RASSF3: variants seen among roughly 807,000 people sequenced by gnomAD.
RASSF3 encodes the protein ras association domain-containing protein 3.
RASSF3 carries 19 observed loss-of-function variants against 19.9 expected under a neutral mutation model. The ratio of observed to expected loss-of-function variants is 0.96; its 90% CI spans 0.67 to 1.40. The LOEUF is 1.40. Among genes scored for constraint, RASSF3 ranks in the 40% most tolerant of loss-of-function variants. The pLI, the probability that RASSF3 is intolerant of heterozygous loss-of-function variation, is 0.00. For synonymous variants in RASSF3, 110 were observed against 104.2 expected (o/e 1.06, Z -0.34); for missense variants, 306 against 289.8 (o/e 1.06, Z -0.41).
chr12:64,564,165 T>A (rs1194767703), intron 2 of RASSF3, among the ~76,000 whole-genome samples: 1 of 152,240 alleles, frequency 6.6e-6, no homozygotes, highest in Non-Finnish European at 1.5e-5. Context: ...TTCTATACAC[T>A]GTCAGTTGTA....
At chr12:64,575,875 T>C (rs2136132327) in intron 2 of RASSF3, 1 of 151,690 alleles carries the variant, frequency 6.6e-6, no homozygotes, top group Admixed American at 6.6e-5. Context: ...CTGAAAATTC[T>C]CGACAGATTT....
chr12:64,602,715 A>T (rs189642153), intron 2 of RASSF3, among the ~76,000 whole-genome samples: 2 of 152,228 alleles, frequency 1.3e-5, no homozygotes, highest in South Asian at 2.1e-4. Context: ...GTGAGATCCA[A>T]TCTCTAAAAA....
rs138219693 is a variant in RASSF3, at chr12:64,535,083, GA to G, written c.67+1759del. ...ATGTTCATTTCAGAGACGTTTATAT[GA>G]AAAAAAAAAGGAAAGTACCTTTTAA... is the stretch of plus-strand genomic sequence containing the variant. On this transcript the variant is annotated intron_variant, in intron 1 of 1. Coordinates refer to the RASSF3 transcript ENST00000636333. Among the ~76,000 whole-genome samples, 489 of 148,768 alleles carry G rather than the reference GA, an allele frequency of 3.3e-3. 5 individuals are homozygous for G. The highest frequency in any genetic ancestry group is 0.011 in the African/African-American group (448 of 40,584).
At chr12:64,639,147 T>G (rs1871424633) in intron 1 of RASSF3, among the ~76,000 whole-genome samples, 1 of 152,170 alleles carries the variant, frequency 6.6e-6, no homozygotes, top group Admixed American at 6.5e-5. Flanking sequence ...ACCTGTATGC[T>G]GATTTTTTTT....
chr12:64,655,059 G>GGAGT (rs1872107885), intron 1 of RASSF3: 1 of 152,170 alleles, frequency 6.6e-6, no homozygotes, highest in Non-Finnish European at 1.5e-5. Flanking sequence ...GCTCCAAAGT[G>GGAGT]GAGTGAGTGC....
chr12:64,516,138 A>C (rs1487082108), intron 1 of RASSF3, among the ~76,000 whole-genome samples: 1 of 152,222 alleles, frequency 6.6e-6, no homozygotes, highest in African/African-American at 2.4e-5. Context: ...GAATGGAAAT[A>C]GATTTTCTTG....
chr12:64,544,683 G>A (rs548585375), downstream of RASSF3, among the ~76,000 whole-genome samples: 1 of 152,090 alleles, frequency 6.6e-6, no homozygotes, highest in Non-Finnish European at 1.5e-5. Flanking sequence ...TGAGTGTCTT[G>A]TCAGTTTCTG....
chr12:64,587,627 C>T (rs560880287), intron 2 of RASSF3, among the ~76,000 whole-genome samples: 1 of 152,256 alleles, frequency 6.6e-6, no homozygotes, highest in African/African-American at 2.4e-5. Context: ...GTCTTCCTCT[C>T]TTTTTCACTT....
downstream of RASSF3, among the ~76,000 whole-genome samples, chr12:64,543,722 C>G (rs1243421903): frequency 6.6e-6 from 1 of 151,354 alleles, no homozygotes; most frequent in African/African-American, 2.4e-5. Context: ...GCTCCTGAGT[C>G]TAGTGAGGAC....
intron 2 of RASSF3, among the ~76,000 whole-genome samples, chr12:64,552,489 A>G (rs750482553): frequency 6.6e-6 from 1 of 152,158 alleles, no homozygotes; most frequent in South Asian, 2.1e-4. Flanking sequence ...ATTAAGCCCA[A>G]CATCCACTAA....
chr12:64,595,064 CT>C (rs1171762487), intron 2 of RASSF3, among the ~76,000 whole-genome samples: 2,193 of 90,888 alleles, frequency 0.024, 8 homozygotes, highest in African/African-American at 0.061. Context: ...CATATGAAAT[CT>C]TTTTTTTTTT....
At chr12:64,584,649 C>A (rs983868580) in intron 2 of RASSF3, among the ~76,000 whole-genome samples, 13 of 151,736 alleles carry the variant, frequency 8.6e-5, no homozygotes, top group East Asian at 3.9e-4. Flanking sequence ...TGCACGCAAA[C>A]AAATACATTC....
intron 1 of RASSF3, among the ~76,000 whole-genome samples, chr12:64,537,149 T>C (rs1868845358): frequency 6.6e-6 from 1 of 152,204 alleles, no homozygotes; most frequent in Non-Finnish European, 1.5e-5. Context: ...TGACTTTTCC[T>C]TCTCAGTCTC....
chr12:64,550,091 C>T (rs578004322), intron 2 of RASSF3, among the ~76,000 whole-genome samples: 13 of 152,178 alleles, frequency 8.5e-5, no homozygotes, highest in East Asian at 1.9e-4. Context: ...ATAGTCTCAG[C>T]GCCCCCCACC....
At position 64,572,227 on chromosome 12, in the gene RASSF3, G is replaced by A. The variant is rs187173638; in HGVS notation, c.294+30522G>A. Among the ~76,000 whole-genome samples, 8 of 152,218 alleles carry A rather than the reference G, an allele frequency of 5.3e-5. No homozygotes were observed. The East Asian group carries it at 1.5e-3, about 29-fold the overall frequency. The stretch of plus-strand genomic sequence containing the variant: ...CCCTAACACCTAATGTAGATAATTC[G>A]GGAGAGAAATCTTTGGGAGACAATT... On this transcript the variant is annotated intron_variant, in intron 2 of 5. Coordinates refer to the RASSF3 transcript ENST00000637125.
intron 1 of RASSF3, among the ~76,000 whole-genome samples, chr12:64,636,523 G>A (rs761507006): frequency 1.3e-5 from 2 of 152,110 alleles, no homozygotes; most frequent in Non-Finnish European, 2.9e-5. Context: ...CTGCATGCTT[G>A]TTTTCCTCTC....
chr12:64,525,575 T>G (rs1868567080), intron 1 of RASSF3, among the ~76,000 whole-genome samples: 1 of 152,184 alleles, frequency 6.6e-6, no homozygotes, highest in African/African-American at 2.4e-5. Flanking sequence ...TTCTCCCACT[T>G]CATTTTCAGC....
chr12:64,691,591 T>C lies in RASSF3; in HGVS notation c.567+12T>C, dbSNP rs751795083. Reference sequence around the variant, plus strand: ...ATGAAATTGGAGAGGTAAGTTATTGTTCACTATTGCTTTAAACTATACAGA... The same window carrying C: ...ATGAAATTGGAGAGGTAAGTTATTGCTCACTATTGCTTTAAACTATACAGA... On this transcript the variant is annotated intron_variant, in intron 4 of 4. Coordinates refer to ENST00000542104, the MANE Select transcript of RASSF3 (RefSeq NM_178169.4). The C allele has an allele frequency of 1.3e-5, 18 of 1,437,172 alleles. No individual in the cohort carries two copies. The highest frequency in any genetic ancestry group is 1.8e-4 in the Middle Eastern group (1 of 5,448). 89.0% of individuals were successfully genotyped at this position (1,437,172 alleles called of 1,614,324 possible). A position where few individuals can be genotyped will look rare whatever the true frequency, so the allele number is the denominator to read the frequency against.
chr12:64,691,938 A>T (rs1339495852), intron 4 of RASSF3, among the ~76,000 whole-genome samples: 1 of 152,144 alleles, frequency 6.6e-6, no homozygotes, highest in East Asian at 1.9e-4. Context: ...GTTGACACTC[A>T]CCATGTGTTT....
Sources: gnomAD v4.1 joint callset for allele counts (sites outside exome capture counted in the v4.1 genomes callset) on GRCh38, gnomAD v4.1.1 for gene constraint, MANE v1.5 for transcripts, NCBI Gene and HGNC (gene_info 2026-07-23, HGNC 2026-07-21) for gene names.